Variants in PLA2G5 observed in about 807,000 individuals in gnomAD.
The protein encoded by PLA2G5 is Ca2+-dependent phospholipase A2.
A neutral mutation model predicts 15.9 loss-of-function variants in PLA2G5; 12 were observed. The ratio of observed to expected loss-of-function variants is 0.76; its 90% CI spans 0.48 to 1.23. The LOEUF (loss-of-function observed/expected upper bound fraction) is 1.23. PLA2G5 is among the 50% of genes most tolerant of loss of function. The pLI is 0.00. For synonymous variants in PLA2G5, 71 were observed against 71.4 expected, an observed-to-expected ratio of 0.99 and a Z score of 0.03; for missense variants, 169 against 177.1, an observed-to-expected ratio of 0.95 and a Z score of 0.26.
intron 1 of PLA2G5, among the ~76,000 whole-genome samples, chr1:20,047,718 TTGTGTGTGTGTGTG>T (rs57199460): frequency 5.8e-4 from 86 of 147,544 alleles, no homozygotes; most frequent in Admixed American, 2.2e-3. Context: ...TATAGGATCT[TTGTGTGTGTGTGTG>T]TGTGTGTGTG....
rs1295904465 is a variant in PLA2G5 at position 20,070,256 on chromosome 1, C to T, written c.-220C>T. ...AGGCAGAAGTTTTTCCTCCCCACCT[C>T]CGGGTTTGTCCTCATCATCGGTCAC... On this transcript the variant is annotated 5_prime_UTR_variant, in exon 1 of 5. Transcript: ENST00000375108. The T allele has an allele frequency of 2.0e-6, 2 of 985,404 alleles. No individual in the cohort carries two copies. The highest frequency in any genetic ancestry group is 2.4e-6 in the Non-Finnish European group (2 of 830,004). The allele number at this position is 985,404 out of a possible 1,614,324, so 61.0% of individuals were successfully genotyped here. A position where few individuals can be genotyped will look rare whatever the true frequency, so the allele number is the denominator to read the frequency against.
At chr1:20,089,691 C>T in intron 3 of PLA2G5, 98 bp from the exon 4 acceptor site, 2 of 855,770 alleles carry the variant, frequency 2.3e-6, no homozygotes, top group Non-Finnish European at 3.9e-6. Context: ...ACCAAGGTGG[C>T]CTCTGCTAAA....
At position 20,090,826 on chromosome 1, in the gene PLA2G5, C is replaced by T. The variant is rs1230083468; in HGVS notation, c.*134C>T. On this transcript the variant is annotated 3_prime_UTR_variant, in exon 5 of 5. Coordinates refer to ENST00000375108, the MANE Select transcript of PLA2G5 (RefSeq NM_000929.3). ...AGTCTTTCTCGAAGCTTGGCGGACCCCCAGGGCCACACTGTACCCTCCAGC... is the reference window on the plus strand; with the variant it reads ...AGTCTTTCTCGAAGCTTGGCGGACCTCCAGGGCCACACTGTACCCTCCAGC... The T allele has an allele frequency of 2.3e-6, 2 of 888,048 alleles. No homozygotes were observed. Among genetic ancestry groups the T allele is most frequent in the Admixed American group, 1.9e-5 (1 of 51,748 alleles). 55.0% of individuals were successfully genotyped at this position (888,048 alleles called of 1,614,324 possible).
rs745353856 is a variant in PLA2G5 at position 20,089,908 on chromosome 1, C to T, written c.292+13C>T. 38 of 1,594,018 alleles carry T rather than the reference C, an allele frequency of 2.4e-5. No individual in the cohort carries two copies. The South Asian group carries it at 3.5e-4, about 14-fold the overall frequency. On this transcript the variant is annotated intron_variant, in intron 4 of 4. Transcript: ENST00000375108. Reference sequence around the variant, plus strand: ...GTGGTCACCTGCGGTAAGGCTGGGGCTTCCCGTTCGGGCCATTGGAAGAGC... The same window carrying T: ...GTGGTCACCTGCGGTAAGGCTGGGGTTTCCCGTTCGGGCCATTGGAAGAGC...
At chr1:20,072,883 C>G (rs1289115750) in intron 1 of PLA2G5, among the ~76,000 whole-genome samples, 1 of 152,254 alleles carries the variant, frequency 6.6e-6, no homozygotes, top group Non-Finnish European at 1.5e-5. Flanking sequence ...CAGACAGACA[C>G]TGGGTTAGAA....
At chr1:20,060,636 G>T (rs1246573313) in intron 2 of PLA2G5, among the ~76,000 whole-genome samples, 1 of 151,972 alleles carries the variant, frequency 6.6e-6, no homozygotes, top group Non-Finnish European at 1.5e-5. Context: ...TTAGCAGGTG[G>T]TTTTAAGACT....
rs1003098168 is a variant in PLA2G5, at chr1:20,090,887, G to A, written c.*195G>A. On this transcript the variant is annotated 3_prime_UTR_variant, in exon 5 of 5. Coordinates refer to ENST00000375108, the MANE Select transcript of PLA2G5 (RefSeq NM_000929.3). The stretch of plus-strand genomic sequence containing the variant: ...AGAGTGACTCTGGTCATAGGACTTG[G>A]TAGGGTCCCAGGGTCCCTAGGCCTC... 2 of 579,870 alleles carry A rather than the reference G, an allele frequency of 3.4e-6. No homozygotes were observed. Among genetic ancestry groups the A allele is most frequent in the Middle Eastern group, 8.2e-4 (2 of 2,444 alleles). 35.9% of individuals were successfully genotyped at this position (579,870 alleles called of 1,614,324 possible).
chr1:20,048,035 G>C (rs1374429733), intron 1 of PLA2G5, among the ~76,000 whole-genome samples: 1 of 152,044 alleles, frequency 6.6e-6, no homozygotes, highest in Non-Finnish European at 1.5e-5. Flanking sequence ...AGGTTTTTAT[G>C]ACTCTATAAG....
chr1:20,083,707 T>TC lies in PLA2G5; in HGVS notation c.-10-1114_-10-1113insC, dbSNP rs1466410772. ...ATGAGAAGGAACAAACACAGACCCC[T>TC]AAAGGATTCATGCCTCTGGGAAGGG... On this transcript the variant is annotated intron_variant, in intron 1 of 4. Transcript: ENST00000375108. 1.5e-3 allele frequency among the ~76,000 whole-genome samples: 221 copies of TC among 151,828 alleles called. 6 individuals carry two copies. The highest frequency in any genetic ancestry group is 5.1e-3 in the African/African-American group (208 of 41,182).
chr1:20,063,228 C>T (rs558792160), intron 2 of PLA2G5, among the ~76,000 whole-genome samples: 3 of 152,084 alleles, frequency 2.0e-5, no homozygotes, highest in Non-Finnish European at 4.4e-5. Flanking sequence ...ATGAAAAAAA[C>T]CAAAAGAGTT....
Position 20,090,703 on chromosome 1 carries a change from C to A in PLA2G5, c.*11C>A. On this transcript the variant is annotated 3_prime_UTR_variant, in exon 5 of 5. Coordinates refer to ENST00000375108, the MANE Select transcript of PLA2G5 (RefSeq NM_000929.3). ...ATCCTCTGCTCCTAGGCCTCCCCAGCGAGCTCCTCCCAGACCAAGACTTTT... is the reference window on the plus strand; with the variant it reads ...ATCCTCTGCTCCTAGGCCTCCCCAGAGAGCTCCTCCCAGACCAAGACTTTT... The A allele has an allele frequency of 1.2e-6, 2 of 1,613,736 alleles. No individual in the cohort carries two copies. The highest frequency in any genetic ancestry group is 1.3e-5 in the African/African-American group (1 of 75,038).
intron 1 of PLA2G5, among the ~76,000 whole-genome samples, chr1:20,052,194 A>C (rs1276249464): frequency 6.8e-6 from 1 of 146,316 alleles, no homozygotes; most frequent in Admixed American, 6.9e-5. Context: ...AAAAAAAAAA[A>C]ATGGGAAACT....
In PLA2G5 at chr1:20,086,065, A is replaced by T; in HGVS notation, c.41-18A>T. Reference sequence around the variant, plus strand: ...TGGGCTGCCTGGGTGTCACCTGGGGACATGGGCTATCTTCCAGGTGTGCCT... The same window carrying T: ...TGGGCTGCCTGGGTGTCACCTGGGGTCATGGGCTATCTTCCAGGTGTGCCT... On this transcript the variant is annotated intron_variant, in intron 2 of 4. Coordinates refer to ENST00000375108, the MANE Select transcript of PLA2G5 (RefSeq NM_000929.3). The T allele has an allele frequency of 1.2e-6, 2 of 1,613,738 alleles. No homozygotes were observed. Among genetic ancestry groups the T allele is most frequent in the South Asian group, 2.2e-5 (2 of 91,052 alleles).
chr1:20,057,364 T>G (rs933895213), intron 1 of PLA2G5, among the ~76,000 whole-genome samples: 3 of 152,058 alleles, frequency 2.0e-5, no homozygotes, highest in Non-Finnish European at 4.4e-5. Flanking sequence ...ACATTTTCCT[T>G]TAAACACTGT....
At chr1:20,042,378 G>T (rs1450645841) in intron 1 of PLA2G5, among the ~76,000 whole-genome samples, 2 of 152,104 alleles carry the variant, frequency 1.3e-5, no homozygotes, top group African/African-American at 4.8e-5. Flanking sequence ...CAGCCGTGGG[G>T]GTCAGGTGTG....
intron 1 of PLA2G5, among the ~76,000 whole-genome samples, chr1:20,043,550 G>A (rs1232805050): frequency 6.6e-6 from 1 of 152,104 alleles, no homozygotes; most frequent in Non-Finnish European, 1.5e-5. Context: ...GGATATGAGA[G>A]GAAGATGCAA....
chr1:20,076,694 T>G (rs2015703354), intron 1 of PLA2G5: 1 of 152,254 alleles, frequency 6.6e-6, no homozygotes, highest in African/African-American at 2.4e-5. Context: ...ATAGCAAATG[T>G]TCATTAAAGA....
intron 1 of PLA2G5, among the ~76,000 whole-genome samples, chr1:20,041,179 C>A (rs2100337667): frequency 6.6e-6 from 1 of 152,288 alleles, no homozygotes; most frequent in Admixed American, 6.5e-5. Context: ...TACCCCTGAT[C>A]TTTGACGAAT....
At chr1:20,043,077 G>T (rs1228670488) in intron 1 of PLA2G5, among the ~76,000 whole-genome samples, 1 of 152,154 alleles carries the variant, frequency 6.6e-6, no homozygotes, top group Non-Finnish European at 1.5e-5. Flanking sequence ...TAGGTATGTT[G>T]TTGAGACTGA....
Sources: gnomAD v4.1 joint callset for allele counts (sites outside exome capture counted in the v4.1 genomes callset) on GRCh38, gnomAD v4.1.1 for gene constraint, MANE v1.5 for transcripts, NCBI Gene and HGNC (gene_info 2026-07-23, HGNC 2026-07-21) for gene names.